Variants in ALDH8A1 observed in about 807,000 individuals in gnomAD.
ALDH8A1 encodes the protein aldehyde dehydrogenase 8 family member A1.
A neutral mutation model predicts 43.3 loss-of-function variants in ALDH8A1; 39 were observed. The observed-to-expected ratio is 0.90, with a 90% confidence interval of 0.70 to 1.18. The LOEUF is 1.18. ALDH8A1 is among the 50% of genes most tolerant of loss of function. ALDH8A1 has a pLI of 0.00. For synonymous variants in ALDH8A1, 233 were observed against 243.5 expected (o/e 0.96, Z 0.40); for missense variants, 605 against 622.6 (o/e 0.97, Z 0.30).
In ALDH8A1 at chr6:134,922,474, G is replaced by C. The variant is rs187040069; in HGVS notation, c.1012-3607C>G. Among the ~76,000 whole-genome samples the C allele has an allele frequency of 6.0e-5, 9 of 150,044 alleles. No homozygotes were observed. In the East Asian group the frequency reaches 1.8e-3, roughly 30 times the overall value. On this transcript the variant is annotated intron_variant, in intron 6 of 6. Transcript: ENST00000265605. Reference sequence around the variant, plus strand: ...GTGATCTCGGCTCACTGCAACCTCTGCCTCCCGGGTGCAAGCGATTCTCCT... The same window carrying C: ...GTGATCTCGGCTCACTGCAACCTCTCCCTCCCGGGTGCAAGCGATTCTCCT...
At chr6:134,931,724 T>C (rs1444736715) in intron 5 of ALDH8A1, among the ~76,000 whole-genome samples, 5 of 152,238 alleles carry the variant, frequency 3.3e-5, no homozygotes, top group African/African-American at 1.2e-4. Context: ...ATTGTAAAAG[T>C]ATATTGTCTA....
chr6:134,940,933 CCAAAG>C (rs745575294), intron 3 of ALDH8A1, among the ~76,000 whole-genome samples: 2 of 152,176 alleles, frequency 1.3e-5, no homozygotes, highest in Non-Finnish European at 2.9e-5. Context: ...TTTCAAGTAA[CCAAAG>C]CAATGAGATG....
Position 134,918,502 on chromosome 6 carries a change from C to G in ALDH8A1, c.1377G>C (p.Gly459=). The part of the protein sequence containing the change: ...LIRELNLPFG[G]MKSSGIGREG... ...CTCTACCTATTCCAGAACTCTTCAT[C>G]CCCCCGAAAGGAAGGTTCAGCTCCC... The change falls in exon 7 of 7, where the codon GGG becomes GGC. Residue 459 remains glycine, a synonymous_variant. Transcript: ENST00000265605. 2 of 1,614,140 alleles carry G rather than the reference C, an allele frequency of 1.2e-6. No individual in the cohort carries two copies. Among genetic ancestry groups the G allele is most frequent in the South Asian group, 1.1e-5 (1 of 91,072 alleles).
intron 2 of ALDH8A1, among the ~76,000 whole-genome samples, chr6:134,943,156 C>T (rs6919309): frequency 2.0e-5 from 3 of 152,024 alleles, no homozygotes; most frequent in Non-Finnish European, 2.9e-5. Flanking sequence ...TTCTCTTTAG[C>T]GATGCAGGGA....
intron 6 of ALDH8A1, among the ~76,000 whole-genome samples, chr6:134,919,210 T>A (rs1489331762): frequency 6.6e-6 from 1 of 152,226 alleles, no homozygotes; most frequent in Non-Finnish European, 1.5e-5. Flanking sequence ...ATAGTATAAT[T>A]GAGTGTAAAA....
At chr6:134,946,593 G>A (rs757421112) in intron 1 of ALDH8A1, among the ~76,000 whole-genome samples, 1 of 152,208 alleles carries the variant, frequency 6.6e-6, no homozygotes, top group Non-Finnish European at 1.5e-5. Context: ...ACACTATAAA[G>A]TAGATATCAT....
chr6:134,929,325 G>A (rs957026325), intron 5 of ALDH8A1, 110 bp from the exon 6 acceptor site: 2 of 1,126,924 alleles, frequency 1.8e-6, no homozygotes, highest in African/African-American at 3.2e-5. Context: ...AGGCAATGGG[G>A]TACAATGGTA....
At position 134,918,670 on chromosome 6, in the gene ALDH8A1, A is replaced by G. The variant is rs1210122381; in HGVS notation, c.1209T>C (p.Asp403=). ...CTCTTTCAATCACCTCCTCTTCACT[A>G]TCAAAGGGGACGACACACGTCACTG... ...FGPVTCVVPF[D]SEEEVIERAN... is the part of the protein sequence containing the mutation. Residue 403 remains aspartate (D), a synonymous_variant, in exon 7 of 7, where the codon GAT becomes GAC. Transcript: ENST00000265605. 5 of 1,614,102 alleles carry G rather than the reference A, an allele frequency of 3.1e-6. No individual in the cohort carries two copies. Among genetic ancestry groups the G allele is most frequent in the Non-Finnish European group, 4.2e-6 (5 of 1,180,010 alleles).
Position 134,947,857 on chromosome 6 carries a change from A to C in ALDH8A1, c.138+2059T>G, listed in dbSNP as rs79066773. Among the ~76,000 whole-genome samples, 624 of 150,586 alleles carry C rather than the reference A, an allele frequency of 4.1e-3. 4 individuals carry two copies. Among genetic ancestry groups the C allele is most frequent in the African/African-American group, 0.013 (535 of 40,996 alleles). ...ATGTAGGTTTCTCAAAAAAAAAAAA[A>C]TAAAAATAGAACAACAGTATGATCC... is the stretch of plus-strand genomic sequence containing the variant. On this transcript the variant is annotated intron_variant, in intron 1 of 6. Transcript: ENST00000265605.
At chr6:134,922,737 C>G (rs866643141) in intron 6 of ALDH8A1, among the ~76,000 whole-genome samples, 3 of 152,116 alleles carry the variant, frequency 2.0e-5, no homozygotes, top group African/African-American at 7.2e-5. Flanking sequence ...CCCTTTGAAG[C>G]AGTGGAATTT....
chr6:134,930,407 G>C (rs923899282), intron 5 of ALDH8A1, among the ~76,000 whole-genome samples: 5 of 152,184 alleles, frequency 3.3e-5, no homozygotes, highest in African/African-American at 1.2e-4. Flanking sequence ...GCATGTAACA[G>C]TTTAGACTTA....
At chr6:134,936,636 G>A (rs184835429) in intron 4 of ALDH8A1, among the ~76,000 whole-genome samples, 112 of 152,270 alleles carry the variant, frequency 7.4e-4, no homozygotes, top group Non-Finnish European at 1.4e-3. Flanking sequence ...GAGAGAATGC[G>A]GAAGCACTGC....
chr6:134,918,671 T>C lies in ALDH8A1; in HGVS notation c.1208A>G (p.Asp403Gly), dbSNP rs369963755. 4.3e-6 allele frequency: 7 copies of C among 1,614,042 alleles called. No homozygotes were observed. In the East Asian group the frequency reaches 1.6e-4, roughly 36 times the overall value. The change falls in exon 7 of 7, where the codon GAT becomes GGT. Residue 403 changes from aspartate (D) to glycine (G), a missense_variant. Transcript: ENST00000265605. Reference protein sequence around the residue: ...FGPVTCVVPFDSEEEVIERAN... With the variant: ...FGPVTCVVPFGSEEEVIERAN... ...TCTTTCAATCACCTCCTCTTCACTA[T>C]CAAAGGGGACGACACACGTCACTGG...
At chr6:134,930,444 C>T (rs1343360885) in intron 5 of ALDH8A1, among the ~76,000 whole-genome samples, 1 of 152,194 alleles carries the variant, frequency 6.6e-6, no homozygotes, top group Non-Finnish European at 1.5e-5. Flanking sequence ...ACATTCTAGA[C>T]TTTCAAAGCA....
chr6:134,918,903 C>T, intron 6 of ALDH8A1, 36 bp from the exon 7 acceptor site: 2 of 1,592,294 alleles, frequency 1.3e-6, no homozygotes, highest in Non-Finnish European at 1.7e-6. Context: ...CAATGTCTTA[C>T]CATGTGGCTT....
intron 6 of ALDH8A1, among the ~76,000 whole-genome samples, chr6:134,926,446 C>T (rs1460013895): frequency 6.6e-6 from 1 of 151,858 alleles, no homozygotes; most frequent in African/African-American, 2.4e-5. Flanking sequence ...AATGATCTGC[C>T]CACCTCAGCC....
intron 3 of ALDH8A1, among the ~76,000 whole-genome samples, chr6:134,940,607 T>C (rs1351835230): frequency 1.3e-5 from 2 of 152,204 alleles, no homozygotes; most frequent in South Asian, 2.1e-4. Context: ...CCTGACCAGA[T>C]AGATTTGCTG....
chr6:134,949,824 TC>T, intron 1 of ALDH8A1, 91 bp downstream of exon 1: 1 of 1,390,786 alleles, frequency 7.2e-7, no homozygotes, highest in Non-Finnish European at 9.5e-7. Flanking sequence ...TCCTACATCT[TC>T]CCCCAACTCC....
In ALDH8A1 at chr6:134,943,925, G is replaced by A. The variant is rs1773906436; in HGVS notation, c.180C>T (p.Ser60=). 1.2e-6 allele frequency: 2 copies of A among 1,614,148 alleles called. No individual in the cohort carries two copies. Among genetic ancestry groups the A allele is most frequent in the South Asian group, 1.1e-5 (1 of 91,080 alleles). Residue 60 remains serine (S), a synonymous_variant, in exon 2 of 7, where the codon AGC becomes AGT. Coordinates refer to ENST00000265605, the MANE Select transcript of ALDH8A1 (RefSeq NM_022568.4). ...AVKAAREAFP[S]WSSRSPQERS... ...GCTCCTGGGGGCTGCGGGATGACCA[G>A]CTGGGAAAGGCTTCTCTGGCGGCCT... is the stretch of plus-strand genomic sequence containing the variant.
Sources: gnomAD v4.1 joint callset for allele counts (sites outside exome capture counted in the v4.1 genomes callset) on GRCh38, gnomAD v4.1.1 for gene constraint, MANE v1.5 for transcripts, NCBI Gene and HGNC (gene_info 2026-07-23, HGNC 2026-07-21) for gene names.